Variants in VAV3 observed in about 807,000 individuals in gnomAD.
VAV3 encodes guanine nucleotide exchange factor VAV3.
VAV3 carries 94 observed loss-of-function variants against 131.2 expected under a neutral mutation model. That is an observed-to-expected ratio of 0.72 (90% CI 0.61 to 0.85). The LOEUF is 0.85. VAV3 is among the 40% of genes least tolerant of loss of function. The pLI is 0.00. For synonymous variants in VAV3, 349 were observed against 342.0 expected (o/e 1.02, Z -0.22); for missense variants, 939 against 1,002.7 (o/e 0.94, Z 0.86).
intron 19 of VAV3, chr1:107,669,228 T>C (rs577436656): frequency 5.8e-5 from 69 of 1,185,992 alleles, no homozygotes; most frequent in Non-Finnish European, 7.1e-5. Flanking sequence ...AATTAAAACA[T>C]GAAGTAATCC....
chr1:107,616,879 G>C (rs1653193909), intron 21 of VAV3, among the ~76,000 whole-genome samples: 1 of 151,998 alleles, frequency 6.6e-6, no homozygotes, highest in South Asian at 2.1e-4. Flanking sequence ...ATTTACTTTG[G>C]AGTCAATAAA....
At chr1:107,766,734 A>G (rs1332500700) in intron 7 of VAV3, among the ~76,000 whole-genome samples, 184 bp from the exon 8 acceptor site, 1 of 151,900 alleles carries the variant, frequency 6.6e-6, no homozygotes, top group African/African-American at 2.4e-5. Context: ...AGGGGGAGGA[A>G]GGGGAGGAAG....
In VAV3 at chr1:107,805,780, G is replaced by A. The variant is rs369715948; in HGVS notation, c.322-26288C>T. Among the ~76,000 whole-genome samples the A allele has an allele frequency of 4.8e-4, 73 of 152,002 alleles. No homozygotes were observed. In the East Asian group the frequency reaches 8.1e-3, roughly 17 times the overall value. ...TGTCTGGCTTGTTTTGTTTTTTGTT[G>A]GGTATGTTTGCTTATAGATTCTTTG... On this transcript the variant is annotated intron_variant, in intron 2 of 26. Transcript: ENST00000370056.
chr1:107,964,491 C>T, intron 1 of VAV3, 175 bp downstream of exon 1: 1 of 637,268 alleles, frequency 1.6e-6, no homozygotes, highest in Non-Finnish European at 2.6e-6. Context: ...GGAGCTAAAC[C>T]ATTTCAAGCC....
intron 15 of VAV3, among the ~76,000 whole-genome samples, chr1:107,730,342 C>G (rs1051624739): frequency 1.3e-5 from 2 of 152,192 alleles, no homozygotes; most frequent in African/African-American, 4.8e-5. Context: ...TGAATCCACC[C>G]TGATAATTGG....
chr1:107,846,717 G>A (rs532079855), intron 2 of VAV3, among the ~76,000 whole-genome samples: 86 of 152,180 alleles, frequency 5.7e-4, no homozygotes, highest in African/African-American at 2.0e-3. Flanking sequence ...TGCAACAAGA[G>A]CTAACTACCC....
At chr1:107,666,679 C>A (rs1353396007) in intron 19 of VAV3, among the ~76,000 whole-genome samples, 3 of 151,756 alleles carry the variant, frequency 2.0e-5, no homozygotes, top group African/African-American at 7.3e-5. Flanking sequence ...AAGCAATTCA[C>A]CTGCCTCAGC....
At chr1:107,769,593 C>T (rs1664925627) in intron 6 of VAV3, among the ~76,000 whole-genome samples, 1 of 152,186 alleles carries the variant, frequency 6.6e-6, no homozygotes, top group Admixed American at 6.5e-5. Flanking sequence ...GATAATGGCC[C>T]AATCTATTTG....
intron 20 of VAV3, among the ~76,000 whole-genome samples, chr1:107,638,472 G>A (rs1655095602): frequency 6.6e-6 from 1 of 152,044 alleles, no homozygotes; most frequent in East Asian, 1.9e-4. Flanking sequence ...AGATAAATAT[G>A]ACAAAAGATG....
At chr1:107,914,539 C>A (rs1028109516) in intron 1 of VAV3, among the ~76,000 whole-genome samples, 11 of 152,206 alleles carry the variant, frequency 7.2e-5, no homozygotes, top group African/African-American at 2.7e-4. Flanking sequence ...AGCTAATGCC[C>A]ATGAAAGCAA....
intron 19 of VAV3, among the ~76,000 whole-genome samples, chr1:107,666,758 T>C (rs576771792): frequency 6.6e-6 from 1 of 152,054 alleles, no homozygotes; most frequent in South Asian, 2.1e-4. Context: ...ATAAATTATG[T>C]GCCAGTCCCT....
chr1:107,642,873 G>A lies in VAV3; in HGVS notation c.1778-118C>T, dbSNP rs909113318. On this transcript the variant is annotated intron_variant, in intron 19 of 26. Transcript: ENST00000370056. The stretch of plus-strand genomic sequence containing the variant: ...AAAGTGTTAATACCACCAAGTCCAA[G>A]TAAACATTTTAAGTAACTATAATAG... 42 of 1,387,928 alleles carry A rather than the reference G, an allele frequency of 3.0e-5. No individual in the cohort carries two copies. In the Admixed American group the frequency reaches 9.6e-4, roughly 32 times the overall value. 86.0% of individuals were successfully genotyped at this position (1,387,928 alleles called of 1,614,324 possible).
At chr1:107,950,225 T>C (rs1268470123) in intron 1 of VAV3, among the ~76,000 whole-genome samples, 1 of 152,180 alleles carries the variant, frequency 6.6e-6, no homozygotes, top group Admixed American at 6.5e-5. Flanking sequence ...TTTATAAACA[T>C]CTACTTCAAG....
At chr1:107,812,489 C>T (rs1437081323) in intron 2 of VAV3, among the ~76,000 whole-genome samples, 1 of 151,844 alleles carries the variant, frequency 6.6e-6, no homozygotes, top group Admixed American at 6.6e-5. Context: ...TAACTATGCA[C>T]CTACTCAATA....
At chr1:107,674,591 G>A (rs139671685) in intron 19 of VAV3, among the ~76,000 whole-genome samples, 167 of 152,210 alleles carry the variant, frequency 1.1e-3, no homozygotes, top group African/African-American at 3.6e-3. Flanking sequence ...AGAAGATGTC[G>A]AAGGATAAGG....
In VAV3 at chr1:107,779,462, T is replaced by C; in HGVS notation, c.352A>G (p.Thr118Ala). 1 of 1,590,978 alleles carries C rather than the reference T, an allele frequency of 6.3e-7. No individual in the cohort carries two copies. The highest frequency in any genetic ancestry group is 8.6e-7 in the Non-Finnish European group (1 of 1,168,282). ...ATTCCTGTGGCCAATGCTATAGGTG[T>C]TCGAGAAAGTCGTGATAATGTTTCT... ...VIETLSRLSR[T>A]PIALATGIRP... The change falls in exon 3 of 27, where the codon ACA becomes GCA. Residue 118 changes from threonine to alanine, a missense_variant. Thr to Ala is a moderately conservative substitution (Grantham distance 58). Coordinates refer to ENST00000370056, the MANE Select transcript of VAV3 (RefSeq NM_006113.5).
At chr1:107,933,290 T>C (rs953047367) in intron 1 of VAV3, among the ~76,000 whole-genome samples, 3 of 151,770 alleles carry the variant, frequency 2.0e-5, no homozygotes, top group African/African-American at 7.3e-5. Flanking sequence ...TTGTGTTTTT[T>C]TTTTTCCAGT....
At chr1:107,645,397 C>T (rs542701560) in intron 19 of VAV3, among the ~76,000 whole-genome samples, 1 of 151,690 alleles carries the variant, frequency 6.6e-6, no homozygotes, top group South Asian at 2.1e-4. Flanking sequence ...CCAATTTCAG[C>T]ATGATCTGTT....
At chr1:107,747,068 T>C (rs1020394700) in intron 15 of VAV3, among the ~76,000 whole-genome samples, 1 of 152,028 alleles carries the variant, frequency 6.6e-6, no homozygotes, top group African/African-American at 2.4e-5. Context: ...CTAGTAGAGA[T>C]GGGGTATCAC....
Sources: gnomAD v4.1 joint callset for allele counts (sites outside exome capture counted in the v4.1 genomes callset) on GRCh38, gnomAD v4.1.1 for gene constraint, MANE v1.5 for transcripts, NCBI Gene and HGNC (gene_info 2026-07-23, HGNC 2026-07-21) for gene names.